PCDHA8: variants seen among roughly 807,000 people sequenced by gnomAD.
The protein encoded by PCDHA8 is protocadherin alpha-8.
PCDHA8 carries 53 observed loss-of-function variants against 61.8 expected under a neutral mutation model. The ratio of observed to expected loss-of-function variants is 0.86; its 90% CI spans 0.69 to 1.08. PCDHA8 has a LOEUF of 1.08. PCDHA8 is among the 50% of genes least tolerant of loss of function. The pLI, the probability that PCDHA8 is intolerant of heterozygous loss-of-function variation, is 0.00. For missense variants in PCDHA8, 1,293 were observed against 1,245.0 expected (o/e 1.04, Z -0.58); for synonymous variants, 618 against 556.6 (o/e 1.11, Z -1.55).
intron 1 of PCDHA8, chr5:140,851,046 C>A: frequency 7.2e-7 from 1 of 1,389,024 alleles, no homozygotes; most frequent in Non-Finnish European, 9.4e-7. Context: ...TTGGAGCCGA[C>A]TTTGTCTTGA....
At chr5:140,958,867 T>C (rs1312043891) in intron 1 of PCDHA8, among the ~76,000 whole-genome samples, 1 of 152,146 alleles carries the variant, frequency 6.6e-6, no homozygotes, top group Non-Finnish European at 1.5e-5. Context: ...ACTGGGTTTA[T>C]AAAAGAATTG....
At chr5:140,927,889 G>T (rs1554205185) in intron 1 of PCDHA8, 1 of 1,614,226 alleles carries the variant, frequency 6.2e-7, no homozygotes, top group Non-Finnish European at 8.5e-7. Context: ...GGTGACTGAC[G>T]TGAACGATCA....
At chr5:140,927,118 G>C in intron 1 of PCDHA8, 1 of 1,613,946 alleles carries the variant, frequency 6.2e-7, no homozygotes, top group Non-Finnish European at 8.5e-7. Context: ...CGGCAATTTG[G>C]TGGTCAGAGA....
At chr5:140,966,469 C>G (rs1308389710) in intron 1 of PCDHA8, 1 of 432,506 alleles carries the variant, frequency 2.3e-6, no homozygotes, top group African/African-American at 2.0e-5. Context: ...GTCTTCCCTT[C>G]TGTTTCCTTT....
At chr5:140,855,607 T>C (rs1157385251) in intron 1 of PCDHA8, among the ~76,000 whole-genome samples, 2 of 149,722 alleles carry the variant, frequency 1.3e-5, no homozygotes, top group African/African-American at 4.9e-5. Context: ...AGTATGCAAA[T>C]ATTAAGGGCA....
chr5:140,974,613 G>A (rs1416866366), intron 1 of PCDHA8, among the ~76,000 whole-genome samples: 2 of 152,164 alleles, frequency 1.3e-5, no homozygotes, highest in African/African-American at 4.8e-5. Flanking sequence ...CAGGGTTCAA[G>A]CGATTCTCCT....
rs148283153 is a variant in PCDHA8, at chr5:140,857,227, G to C, written c.2394+13512G>C. On this transcript the variant is annotated intron_variant, in intron 1 of 3. Transcript: ENST00000531613. ...CCTGCTCTCTGACGCCTCACGTTCCGTTCAAGCTGGTGTCCACCTACAAGA... is the reference window on the plus strand; with the variant it reads ...CCTGCTCTCTGACGCCTCACGTTCCCTTCAAGCTGGTGTCCACCTACAAGA... 3.1e-6 allele frequency: 5 copies of C among 1,598,446 alleles called. 1 individual carries two copies. Among genetic ancestry groups the C allele is most frequent in the South Asian group, 1.1e-5 (1 of 90,546 alleles).
chr5:140,923,200 G>C (rs2081224774), intron 1 of PCDHA8, among the ~76,000 whole-genome samples: 1 of 152,166 alleles, frequency 6.6e-6, no homozygotes, highest in Admixed American at 6.5e-5. Flanking sequence ...AGCAATTTGG[G>C]AGGCTAAGGT....
chr5:140,875,744 A>G, intron 1 of PCDHA8: 2 of 1,614,206 alleles, frequency 1.2e-6, no homozygotes, highest in Non-Finnish European at 1.7e-6. Flanking sequence ...TCTCGGATCG[A>G]CCGCGAGAAG....
Position 140,978,960 on chromosome 5 carries a change from C to G in PCDHA8, c.2406C>G (p.Pro802=), listed in dbSNP as rs560855761. The G allele has an allele frequency of 2.6e-5, 42 of 1,614,120 alleles. No homozygotes were observed. The highest frequency in any genetic ancestry group is 2.5e-4 in the African/African-American group (19 of 75,024). The change falls in exon 2 of 4, where the codon CCC becomes CCG. Residue 802 remains proline, a synonymous_variant. Coordinates refer to ENST00000531613, the MANE Select transcript of PCDHA8 (RefSeq NM_018911.3). ...TTGTGATTTTGCAGCCACGACAGCC[C>G]AACCCTGACTGGCGTTACTCTGCCT... ...NVDHGLKPRQ[P]NPDWRYSASL...
intron 3 of PCDHA8, among the ~76,000 whole-genome samples, chr5:140,995,481 T>C (rs190039428): frequency 5.9e-5 from 9 of 152,308 alleles, no homozygotes; most frequent in Admixed American, 5.9e-4. Context: ...CATTTAATAT[T>C]TTCAGACTAA....
intron 1 of PCDHA8, among the ~76,000 whole-genome samples, chr5:140,972,724 C>T (rs953044769): frequency 1.9e-4 from 27 of 140,890 alleles, no homozygotes; most frequent in Non-Finnish European, 3.3e-4. Context: ...AGTGCAGTGG[C>T]GTAATCCCGG....
At chr5:141,005,440 A>C (rs1174431656) in intron 3 of PCDHA8, among the ~76,000 whole-genome samples, 3 of 152,112 alleles carry the variant, frequency 2.0e-5, no homozygotes, top group African/African-American at 7.2e-5. Flanking sequence ...TGAGAGGCTC[A>C]CGCCTGTAAT....
chr5:140,879,805 A>G (rs992856039), intron 1 of PCDHA8, among the ~76,000 whole-genome samples: 1 of 152,128 alleles, frequency 6.6e-6, no homozygotes, highest in Non-Finnish European at 1.5e-5. Flanking sequence ...TCCAGTTTCT[A>G]TTGGCTGTTG....
At chr5:141,007,980 A>G (rs533342900) in intron 3 of PCDHA8, among the ~76,000 whole-genome samples, 1 of 152,338 alleles carries the variant, frequency 6.6e-6, no homozygotes, top group East Asian at 1.9e-4. Context: ...TGTCATGTAT[A>G]TATGAAATGT....
At chr5:140,905,627 G>A (rs1233983487) in intron 1 of PCDHA8, among the ~76,000 whole-genome samples, 1 of 152,150 alleles carries the variant, frequency 6.6e-6, no homozygotes, top group African/African-American at 2.4e-5. Context: ...GCTTTTGACA[G>A]TATGGTCAGT....
At position 140,842,484 on chromosome 5, in the gene PCDHA8, C is replaced by T. The variant is rs2150337219; in HGVS notation, c.1163C>T (p.Ser388Phe). The change falls in exon 1 of 4, where the codon TCC becomes TTC. Residue 388 changes from serine to phenylalanine, a missense_variant. By Grantham distance (155) the Ser-to-Phe change is radical. Coordinates refer to ENST00000531613, the MANE Select transcript of PCDHA8 (RefSeq NM_018911.3). ...DSGANGQVTC[S>F]LMPHVPFKLV... ...GGTGCCAACGGGCAGGTGACCTGCT[C>T]CCTGATGCCCCATGTCCCCTTCAAG... 1.2e-6 allele frequency: 2 copies of T among 1,613,924 alleles called. No individual in the cohort carries two copies. The highest frequency in any genetic ancestry group is 2.2e-5 in the East Asian group (1 of 44,876).
At chr5:140,896,551 A>G (rs1474890462) in intron 1 of PCDHA8, among the ~76,000 whole-genome samples, 1 of 139,892 alleles carries the variant, frequency 7.1e-6, no homozygotes, top group African/African-American at 2.6e-5. Context: ...TTTTTTTTGT[A>G]TTTTAAGTAG....
chr5:141,001,022 T>C (rs2097984457), intron 3 of PCDHA8, among the ~76,000 whole-genome samples: 1 of 152,250 alleles, frequency 6.6e-6, no homozygotes, highest in Non-Finnish European at 1.5e-5. Context: ...TATACACTTA[T>C]AATAATAGCT....
Sources: allele counts gnomAD v4.1 joint callset (sites outside exome capture counted in the v4.1 genomes callset), GRCh38; gene constraint gnomAD v4.1.1; transcripts MANE v1.5; gene names NCBI Gene and HGNC (gene_info 2026-07-23, HGNC 2026-07-21).